Variants in ABCA12 observed in about 807,000 individuals in gnomAD.
ABCA12 encodes the protein glucosylceramide transporter ABCA12.
In ABCA12, 156 loss-of-function variants were observed where a neutral mutation model predicts 293.5. That is an observed-to-expected ratio of 0.53 (90% CI 0.47 to 0.61). The LOEUF (loss-of-function observed/expected upper bound fraction) is 0.61. Ranked by LOEUF, ABCA12 falls within the 20% of genes least tolerant of loss-of-function variation. ABCA12 has a pLI of 0.00. For synonymous variants in ABCA12, 1,063 were observed against 1,108.0 expected (o/e 0.96, Z 0.81); for missense variants, 2,797 against 3,090.2 (o/e 0.91, Z 2.25).
chr2:214,950,384 CTGTGTGTGTGTGTGTG>C (rs61619476), intron 45 of ABCA12, among the ~76,000 whole-genome samples: 8 of 116,582 alleles, frequency 6.9e-5, no homozygotes, highest in Admixed American at 1.7e-4. Flanking sequence ...ATATATATAT[CTGTGTGTGTGTGTGTG>C]TGTGTGTGTG....
At chr2:215,005,681 T>C (rs916047650) in intron 19 of ABCA12, among the ~76,000 whole-genome samples, 12 of 152,192 alleles carry the variant, frequency 7.9e-5, no homozygotes, top group Admixed American at 7.9e-4. Context: ...TAAACCCTAT[T>C]TCAATTCTCC....
At chr2:215,052,415 G>T in intron 5 of ABCA12, 72 bp downstream of exon 5, 3 of 1,267,654 alleles carry the variant, frequency 2.4e-6, no homozygotes, top group South Asian at 1.2e-5. Flanking sequence ...CTTGCTATTT[G>T]AGAGATCCTT....
intron 2 of ABCA12, chr2:215,075,735 T>C (rs760706866): frequency 8.6e-6 from 5 of 581,276 alleles, no homozygotes; most frequent in African/African-American, 1.9e-5. Flanking sequence ...AAACAAATTT[T>C]AGTAATTACC....
At chr2:215,004,840 C>T (rs2105993707) in intron 19 of ABCA12, 1 of 152,962 alleles carries the variant, frequency 6.5e-6, no homozygotes, top group East Asian at 1.9e-4. Flanking sequence ...CAGAATAGTC[C>T]ATTTCAATTA....
intron 9 of ABCA12, among the ~76,000 whole-genome samples, chr2:215,028,456 T>G (rs193293897): frequency 1.3e-5 from 2 of 152,358 alleles, no homozygotes; most frequent in African/African-American, 4.8e-5. Context: ...CTCATGCTTG[T>G]GCATAGGCAT....
chr2:215,099,446 G>A (rs1702309013), intron 2 of ABCA12, among the ~76,000 whole-genome samples: 1 of 152,198 alleles, frequency 6.6e-6, no homozygotes, highest in East Asian at 1.9e-4. Flanking sequence ...TGTAATCCCA[G>A]CATTTTAGGA....
chr2:215,060,631 G>T (rs1701510228), intron 3 of ABCA12, among the ~76,000 whole-genome samples: 1 of 151,856 alleles, frequency 6.6e-6, no homozygotes, highest in Non-Finnish European at 1.5e-5. Flanking sequence ...TTACTAAATG[G>T]TTATAAATTA....
chr2:214,994,733 A>G (rs1346255327), intron 23 of ABCA12, among the ~76,000 whole-genome samples: 15 of 152,210 alleles, frequency 9.9e-5, no homozygotes, highest in Non-Finnish European at 2.9e-5. Context: ...GGGTGGATTA[A>G]TGTATGTCAG....
chr2:214,996,476 T>C (rs537226057), intron 23 of ABCA12, among the ~76,000 whole-genome samples: 1 of 152,274 alleles, frequency 6.6e-6, no homozygotes, highest in South Asian at 2.1e-4. Flanking sequence ...TGCTTCTGAA[T>C]ACTGGGAACC....
chr2:215,081,238 G>A (rs1196185045), intron 2 of ABCA12, among the ~76,000 whole-genome samples: 4 of 152,084 alleles, frequency 2.6e-5, no homozygotes, highest in Non-Finnish European at 5.9e-5. Flanking sequence ...AGCACTTTGG[G>A]AGGCTGAGGC....
chr2:214,950,037 G>T (rs1698706075), intron 45 of ABCA12, among the ~76,000 whole-genome samples: 2 of 152,026 alleles, frequency 1.3e-5, no homozygotes, highest in Admixed American at 1.3e-4. Context: ...ATATATTCAG[G>T]GGGAAAAAAT....
chr2:215,094,313 C>T (rs867372142), intron 2 of ABCA12, among the ~76,000 whole-genome samples: 1 of 152,168 alleles, frequency 6.6e-6, no homozygotes, highest in African/African-American at 2.4e-5. Flanking sequence ...GGGCCTCAGA[C>T]CCCATTGCTC....
At chr2:215,070,132 TAGAC>T (rs1420401808) in intron 2 of ABCA12, among the ~76,000 whole-genome samples, 1 of 147,336 alleles carries the variant, frequency 6.8e-6, no homozygotes, top group African/African-American at 2.5e-5. Context: ...CCTTGTAAAA[TAGAC>T]AGATTTAAAT....
At chr2:215,035,665 A>C (rs1478720714) in intron 8 of ABCA12, 1 of 123,046 alleles carries the variant, frequency 8.1e-6, no homozygotes, top group African/African-American at 3.6e-5. Flanking sequence ...ACTCCATCTC[A>C]AAAAAAAAAA....
chr2:214,974,079 G>T, intron 35 of ABCA12, 37 bp from the exon 36 acceptor site: 1 of 1,547,262 alleles, frequency 6.5e-7, no homozygotes, highest in Non-Finnish European at 8.9e-7. Flanking sequence ...AGGTGTGTAT[G>T]TATATGTGTT....
At chr2:215,113,143 A>C (rs1476153633) in intron 1 of ABCA12, among the ~76,000 whole-genome samples, 1 of 152,102 alleles carries the variant, frequency 6.6e-6, no homozygotes, top group Non-Finnish European at 1.5e-5. Context: ...CAATTCACCA[A>C]AGCAATCCAA....
intron 1 of ABCA12, among the ~76,000 whole-genome samples, chr2:215,119,358 C>T (rs1413676311): frequency 6.6e-6 from 1 of 152,080 alleles, no homozygotes; most frequent in African/African-American, 2.4e-5. Flanking sequence ...CTTTTGGGGA[C>T]TTAGCCAAAA....
rs76158280 is a variant in ABCA12 at position 214,947,315 on chromosome 2, G to A, written c.7239+107C>T. On this transcript the variant is annotated intron_variant, in intron 48 of 52. Coordinates refer to ENST00000272895, the MANE Select transcript of ABCA12 (RefSeq NM_173076.3). ...TTGCACAATAGCTAGCACATAGTGA[G>A]ACCTCAATAAATGTTGACTGCAATC... 1.1e-3 allele frequency: 1,626 copies of A among 1,497,408 alleles called. 17 individuals carry two copies. The African/African-American group carries it at 0.019, about 18-fold the overall frequency. The allele number at this position is 1,497,408 out of a possible 1,614,324, so 92.8% of individuals were successfully genotyped here.
At chr2:214,954,141 T>A (rs1303097382) in intron 43 of ABCA12, 34 bp from the exon 44 acceptor site, 2 of 1,608,262 alleles carry the variant, frequency 1.2e-6, no homozygotes, top group Non-Finnish European at 8.5e-7. Flanking sequence ...AAACTCAGTG[T>A]TAAGTTTCCA....
Sources: gnomAD v4.1 joint callset for allele counts (sites outside exome capture counted in the v4.1 genomes callset) on GRCh38, gnomAD v4.1.1 for gene constraint, MANE v1.5 for transcripts, NCBI Gene and HGNC (gene_info 2026-07-23, HGNC 2026-07-21) for gene names.